Variants in SEMA3E observed in about 807,000 individuals in gnomAD.
SEMA3E encodes the protein semaphorin-3E.
In SEMA3E, 49 loss-of-function variants were observed where a neutral mutation model predicts 93.6. The observed-to-expected ratio is 0.52, with a 90% CI of 0.42 to 0.66. SEMA3E has a LOEUF of 0.66. Ranked by LOEUF, SEMA3E falls within the 30% of genes least tolerant of loss-of-function variation. The pLI, the probability that SEMA3E is intolerant of heterozygous loss-of-function variation, is 0.00. For missense variants in SEMA3E, 906 were observed against 964.8 expected (o/e 0.94, Z 0.81); for synonymous variants, 363 against 330.7 (o/e 1.10, Z -1.06).
At chr7:83,468,882 G>A (rs1199554516) in intron 3 of SEMA3E, among the ~76,000 whole-genome samples, 1 of 151,980 alleles carries the variant, frequency 6.6e-6, no homozygotes, top group African/African-American at 2.4e-5. Flanking sequence ...ACTAAACAAT[G>A]TAAAGTGAAA....
chr7:83,624,245 T>C (rs980482942), intron 1 of SEMA3E, among the ~76,000 whole-genome samples: 1 of 152,210 alleles, frequency 6.6e-6, no homozygotes, highest in Admixed American at 6.5e-5. Context: ...TACTCAGTAA[T>C]GAGATCACTG....
chr7:83,439,401 C>G (rs1027487276), intron 4 of SEMA3E, among the ~76,000 whole-genome samples: 7 of 152,170 alleles, frequency 4.6e-5, no homozygotes, highest in Admixed American at 2.6e-4. Flanking sequence ...AGTTAAAAGT[C>G]TCAACAAAGG....
At chr7:83,644,129 T>C (rs999892428) in intron 1 of SEMA3E, among the ~76,000 whole-genome samples, 4 of 151,846 alleles carry the variant, frequency 2.6e-5, no homozygotes, top group Admixed American at 2.0e-4. Context: ...TTCTTGTAAA[T>C]GGAATGAATT....
chr7:83,548,827 A>G (rs1367867588), intron 1 of SEMA3E, among the ~76,000 whole-genome samples: 1 of 152,120 alleles, frequency 6.6e-6, no homozygotes, highest in Non-Finnish European at 1.5e-5. Context: ...CACTACTCCC[A>G]GATGCTCCAA....
chr7:83,418,386 T>G lies in SEMA3E; in HGVS notation c.550+4A>C. ...CACCTGATGTCTGTGGCAATGACAA[T>G]TACCAATTAAAGTGGAGATGAAGGA... On this transcript the variant is annotated splice_donor_region_variant and intron_variant, in intron 5 of 16. Transcript: ENST00000643230. The G allele has an allele frequency of 6.3e-7, 1 of 1,599,224 alleles. No individual in the cohort carries two copies.
chr7:83,632,120 A>G (rs1398180129), intron 1 of SEMA3E, among the ~76,000 whole-genome samples: 1 of 150,450 alleles, frequency 6.6e-6, no homozygotes, highest in Non-Finnish European at 1.5e-5. Context: ...ACACCATTGC[A>G]CTCCAGCCTG....
rs200532526 is a variant in SEMA3E, at chr7:83,406,094, A to G, written c.814-35T>C. The G allele has an allele frequency of 5.2e-5, 75 of 1,434,146 alleles. No individual in the cohort carries two copies. The Middle Eastern group carries it at 5.3e-4, about 10-fold the overall frequency. The allele number at this position is 1,434,146 out of a possible 1,614,324, so 88.8% of individuals were successfully genotyped here. On this transcript the variant is annotated intron_variant, in intron 7 of 16. Transcript: ENST00000643230. ...CCAAAAAGGAGGTAAATAGTTACCT[A>G]AAGAATTTCGACCAACCACAGATTT...
At chr7:83,638,943 C>T (rs550398134) in intron 1 of SEMA3E, among the ~76,000 whole-genome samples, 1 of 150,950 alleles carries the variant, frequency 6.6e-6, no homozygotes, top group Admixed American at 6.6e-5. Flanking sequence ...AACCCTGTCT[C>T]TACTAAAAAT....
At chr7:83,502,198 A>C (rs1790609494) in intron 1 of SEMA3E, among the ~76,000 whole-genome samples, 1 of 152,108 alleles carries the variant, frequency 6.6e-6, no homozygotes. Context: ...TCTCATCTGG[A>C]CCACTGAATG....
chr7:83,396,509 C>T (rs1788124701), intron 12 of SEMA3E, 129 bp downstream of exon 12: 1 of 614,684 alleles, frequency 1.6e-6, no homozygotes, highest in Admixed American at 2.6e-5. Flanking sequence ...AATAATTCTT[C>T]ACTTATATTA....
At chr7:83,620,628 C>T (rs954642144) in intron 1 of SEMA3E, among the ~76,000 whole-genome samples, 1 of 151,994 alleles carries the variant, frequency 6.6e-6, no homozygotes, top group African/African-American at 2.4e-5. Context: ...ATCCAGCAGT[C>T]CATCAAAAAG....
intron 1 of SEMA3E, among the ~76,000 whole-genome samples, chr7:83,582,502 G>A (rs76781672): frequency 0.018 from 2,675 of 152,078 alleles, 78 homozygotes; most frequent in African/African-American, 0.059. Flanking sequence ...TGAGAATCAG[G>A]AGCCATTCCA....
At chr7:83,584,891 C>A (rs1326269368) in intron 1 of SEMA3E, among the ~76,000 whole-genome samples, 1 of 152,010 alleles carries the variant, frequency 6.6e-6, no homozygotes, top group Non-Finnish European at 1.5e-5. Context: ...AATCTTCCCC[C>A]AAAAAACTCA....
intron 16 of SEMA3E, among the ~76,000 whole-genome samples, chr7:83,377,887 A>G (rs1787684125): frequency 6.6e-6 from 1 of 151,978 alleles, no homozygotes; most frequent in South Asian, 2.1e-4. Context: ...CAACTATATG[A>G]CCTTAACTAT....
At chr7:83,503,010 C>A (rs1202643178) in intron 1 of SEMA3E, among the ~76,000 whole-genome samples, 3 of 138,874 alleles carry the variant, frequency 2.2e-5, no homozygotes, top group Admixed American at 1.4e-4. Flanking sequence ...TTCTTTCTCT[C>A]TCTTTTTTTT....
At chr7:83,474,794 A>C (rs2115913897) in intron 2 of SEMA3E, among the ~76,000 whole-genome samples, 1 of 152,284 alleles carries the variant, frequency 6.6e-6, no homozygotes, top group Middle Eastern at 3.4e-3. Flanking sequence ...AGAGTTTATA[A>C]GCTTTACCTG....
At chr7:83,623,711 A>G (rs765360103) in intron 1 of SEMA3E, among the ~76,000 whole-genome samples, 12 of 151,600 alleles carry the variant, frequency 7.9e-5, no homozygotes, top group Non-Finnish European at 1.8e-4. Context: ...CTTACCTGAG[A>G]TAGATTAAAT....
intron 4 of SEMA3E, among the ~76,000 whole-genome samples, chr7:83,444,487 T>C (rs917748248): frequency 6.6e-6 from 1 of 152,130 alleles, no homozygotes; most frequent in Non-Finnish European, 1.5e-5. Flanking sequence ...GAAAATGTGA[T>C]TATAGATTTC....
intron 4 of SEMA3E, among the ~76,000 whole-genome samples, chr7:83,449,227 G>T (rs1789302131): frequency 6.6e-6 from 1 of 151,772 alleles, no homozygotes; most frequent in Non-Finnish European, 1.5e-5. Context: ...AGCCTCCTGA[G>T]TAGCTAGGAC....
Sources: gnomAD v4.1 joint callset for allele counts (sites outside exome capture counted in the v4.1 genomes callset) on GRCh38, gnomAD v4.1.1 for gene constraint, MANE v1.5 for transcripts, NCBI Gene and HGNC (gene_info 2026-07-23, HGNC 2026-07-21) for gene names.